The following ZFAND5 variants were observed in gnomAD, a reference collection of about 807,000 sequenced individuals.
The protein encoded by ZFAND5 is AN1-type zinc finger protein 5.
Under a neutral mutation model 23.6 loss-of-function variants are expected in ZFAND5, and 4 were observed. The ratio of observed to expected loss-of-function variants is 0.17; its 90% CI spans 0.08 to 0.39. The LOEUF (loss-of-function observed/expected upper bound fraction) is 0.39. Ranked by LOEUF, ZFAND5 falls within the 10% of genes least tolerant of loss-of-function variation. ZFAND5 has a pLI of 1.00. For synonymous variants in ZFAND5, 68 were observed against 80.6 expected (o/e 0.84, Z 0.84); for missense variants, 161 against 253.7 (o/e 0.63, Z 2.48).
chr9:72,359,518 A>G lies in ZFAND5; in HGVS notation c.267T>C (p.Asn89=), dbSNP rs770603870. 1 of 1,613,440 alleles carries G rather than the reference A, an allele frequency of 6.2e-7. No individual in the cohort carries two copies. Among genetic ancestry groups the G allele is most frequent in the Non-Finnish European group, 8.5e-7 (1 of 1,179,604 alleles). Residue 89 remains asparagine, a synonymous_variant, in exon 5 of 7, where the codon AAT becomes AAC. Coordinates refer to ENST00000376962, the MANE Select transcript of ZFAND5 (RefSeq NM_001102420.3). Reference sequence around the variant, plus strand: ...TTACAGGCAAGGCAGCCACAGGCACATTTCTATTTGAGTTCAAGCAAACAA... The same window carrying G: ...TTACAGGCAAGGCAGCCACAGGCACGTTTCTATTTGAGTTCAAGCAAACAA... ...AAGSTSEKSR[N]VPVAALPVTQ...
rs1587868538 is a variant in ZFAND5 at position 72,355,629 on chromosome 9, G to A, written c.*324C>T. 6 of 177,734 alleles carry A rather than the reference G, an allele frequency of 3.4e-5. No individual in the cohort carries two copies. In the East Asian group the frequency reaches 9.0e-4, roughly 27 times the overall value. The allele number at this position is 177,734 out of a possible 1,614,324, so 11.0% of individuals were successfully genotyped here. The stretch of plus-strand genomic sequence containing the variant: ...GATTACATTCCCAAAAGGCAGATAT[G>A]CTGCAAACATGCAGAGATTTCATTT... On this transcript the variant is annotated 3_prime_UTR_variant, in exon 7 of 7. Coordinates refer to ENST00000376962, the MANE Select transcript of ZFAND5 (RefSeq NM_001102420.3).
rs1376920471 is a variant in ZFAND5, at chr9:72,352,119, CCTCT to C, written c.*3830_*3833del. Reference sequence around the variant, plus strand: ...ACCACCCTGGCTAACACGGTGAAACCCTCTCTCTACTAAAAATACAAAAAAACCC... The same window carrying C: ...ACCACCCTGGCTAACACGGTGAAACCCTCTACTAAAAATACAAAAAAACCC... On this transcript the variant is annotated 3_prime_UTR_variant, in exon 7 of 7. Transcript: ENST00000376962. The C allele has an allele frequency of 2.6e-5, 4 of 152,150 alleles. No individual in the cohort carries two copies. The highest frequency in any genetic ancestry group is 5.9e-5 in the Non-Finnish European group (4 of 68,058). 9.4% of individuals were successfully genotyped at this position (152,150 alleles called of 1,614,324 possible). A position where few individuals can be genotyped will look rare whatever the true frequency, so the allele number is the denominator to read the frequency against.
rs200020315 is a variant in ZFAND5, at chr9:72,362,647, TTATAA to T, written c.-10+818_-10+822del. Among the ~76,000 whole-genome samples the T allele has an allele frequency of 5.9e-5, 9 of 152,340 alleles. No individual in the cohort carries two copies. The East Asian group carries it at 1.7e-3, about 29-fold the overall frequency. ...AGAGAACATGTCTACCTTCATTTCA[TTATAA>T]ATAACTTTCAACTGCGAGACACACA... On this transcript the variant is annotated intron_variant, in intron 2 of 6. Coordinates refer to ENST00000376962, the MANE Select transcript of ZFAND5 (RefSeq NM_001102420.3).
At position 72,359,527 on chromosome 9, in the gene ZFAND5, T is replaced by G. The variant is rs1175237766; in HGVS notation, c.264-6A>C. The G allele has an allele frequency of 1.9e-6, 3 of 1,612,986 alleles. No homozygotes were observed. The highest frequency in any genetic ancestry group is 2.2e-5 in the East Asian group (1 of 44,862). ...AGGCAGCCACAGGCACATTTCTATT[T>G]GAGTTCAAGCAAACAATTTTTAAAG... On this transcript the variant is annotated splice_polypyrimidine_tract_variant and splice_region_variant and intron_variant, in intron 4 of 6. Transcript: ENST00000376962.
At position 72,356,921 on chromosome 9, in the gene ZFAND5, T is replaced by A. The variant is rs775803056; in HGVS notation, c.493+10A>T. On this transcript the variant is annotated intron_variant, in intron 6 of 6. Transcript: ENST00000376962. ...AAGTAAAACATACATTGTCTTGTGT[T>A]TTGTAATACCTGTAAGACCAACTTT... 118 of 1,611,532 alleles carry A rather than the reference T, an allele frequency of 7.3e-5. No homozygotes were observed. The highest frequency in any genetic ancestry group is 2.1e-4 in the Middle Eastern group (1 of 4,710).
rs981000840 is a variant in ZFAND5, at chr9:72,353,694, T to C, written c.*2259A>G. ...CTTGCTACTACTCAGACCTTCAGAG[T>C]GATGGAGTCCGAGGGCTCATCTTAC... On this transcript the variant is annotated 3_prime_UTR_variant, in exon 7 of 7. Transcript: ENST00000376962. 3 of 152,080 alleles carry C rather than the reference T, an allele frequency of 2.0e-5. No homozygotes were observed. The highest frequency in any genetic ancestry group is 7.2e-5 in the African/African-American group (3 of 41,410). 9.4% of individuals were successfully genotyped at this position (152,080 alleles called of 1,614,324 possible). A position where few individuals can be genotyped will look rare whatever the true frequency, so the allele number is the denominator to read the frequency against.
chr9:72,357,505 A>G (rs372522661), intron 5 of ZFAND5, among the ~76,000 whole-genome samples: 1 of 152,160 alleles, frequency 6.6e-6, no homozygotes. Flanking sequence ...ATAGGAAAAA[A>G]AATCCTGTAG....
chr9:72,360,249 C>T (rs758103858), intron 3 of ZFAND5, 28 bp from the exon 4 acceptor site: 2 of 1,570,398 alleles, frequency 1.3e-6, no homozygotes, highest in South Asian at 2.3e-5. Flanking sequence ...TTGTAAGGAA[C>T]CAATGAACAC....
intron 2 of ZFAND5, among the ~76,000 whole-genome samples, chr9:72,363,098 TAAA>T (rs1037094095): frequency 2.6e-5 from 4 of 152,264 alleles, no homozygotes; most frequent in South Asian, 2.1e-4. Flanking sequence ...AGGTTGTTGA[TAAA>T]AAACTAAGCA....
chr9:72,358,850 G>A (rs770090952), intron 5 of ZFAND5, among the ~76,000 whole-genome samples: 32 of 152,082 alleles, frequency 2.1e-4, no homozygotes, highest in Non-Finnish European at 2.6e-4. Flanking sequence ...CTAGGGCCTA[G>A]TACAGGTAAT....
At chr9:72,360,462 C>A in intron 3 of ZFAND5, 166 bp downstream of exon 3, 2 of 955,476 alleles carry the variant, frequency 2.1e-6, no homozygotes, top group Non-Finnish European at 3.1e-6. Context: ...TGTAGATAGT[C>A]ATTCATTCCT....
rs1388699035 is a variant in ZFAND5, at chr9:72,351,807, G to A, written c.*4146C>T. ...TTTAAAGCAGATTGTACAAACAGGA[G>A]AAACAAACAGGGGAAACTGTATTTC... On this transcript the variant is annotated 3_prime_UTR_variant, in exon 7 of 7. Transcript: ENST00000376962. The A allele has an allele frequency of 6.6e-6, 1 of 152,132 alleles. No homozygotes were observed. Among genetic ancestry groups the A allele is most frequent in the Non-Finnish European group, 1.5e-5 (1 of 68,016 alleles). The allele number at this position is 152,132 out of a possible 1,614,324, so 9.4% of individuals were successfully genotyped here.
Position 72,363,563 on chromosome 9 carries a change from G to A in ZFAND5, c.-103C>T, listed in dbSNP as rs1842163461. Reference sequence around the variant, plus strand: ...CTTTCCAGATTTCAGTTCCCTCTTTGCCAAATGGAGTAGAATTGACTTTTA... The same window carrying A: ...CTTTCCAGATTTCAGTTCCCTCTTTACCAAATGGAGTAGAATTGACTTTTA... On this transcript the variant is annotated 5_prime_UTR_variant, in exon 2 of 7. Transcript: ENST00000376962. 2.2e-6 allele frequency: 2 copies of A among 923,836 alleles called. No individual in the cohort carries two copies. Among genetic ancestry groups the A allele is most frequent in the Non-Finnish European group, 2.6e-6 (2 of 773,644 alleles). The allele number at this position is 923,836 out of a possible 1,614,324, so 57.2% of individuals were successfully genotyped here.
rs1040201842 is a variant in ZFAND5 at position 72,364,461 on chromosome 9, C to T, written c.-147+235G>A. The T allele has an allele frequency of 1.1e-5, 14 of 1,276,022 alleles. No individual in the cohort carries two copies. In the South Asian group the frequency reaches 1.5e-4, roughly 14 times the overall value. The allele number at this position is 1,276,022 out of a possible 1,614,324, so 79.0% of individuals were successfully genotyped here. A position where few individuals can be genotyped will look rare whatever the true frequency, so the allele number is the denominator to read the frequency against. ...CGGCACGCCGTGCATTGTTTCCCGA[C>T]CGTGCTGTGGAGCGAGCCAGGGACG... On this transcript the variant is annotated intron_variant, in intron 1 of 6. Transcript: ENST00000376962.
Position 72,360,227 on chromosome 9 carries a change from T to C in ZFAND5, c.152-6A>G, listed in dbSNP as rs756449251. The C allele has an allele frequency of 4.3e-5, 69 of 1,601,948 alleles. 1 individual carries two copies. In the South Asian group the frequency reaches 7.0e-4, roughly 16 times the overall value. On this transcript the variant is annotated splice_region_variant and splice_polypyrimidine_tract_variant and intron_variant, in intron 3 of 6. Transcript: ENST00000376962. The stretch of plus-strand genomic sequence containing the variant: ...GTTGGAACCACTAGCTGTTCCTATT[T>C]AAAAAAAGGATTTGTAAGGAACCAA...
chr9:72,363,049 A>G (rs990434518), intron 2 of ZFAND5, among the ~76,000 whole-genome samples: 1 of 152,210 alleles, frequency 6.6e-6, no homozygotes, highest in African/African-American at 2.4e-5. Context: ...AACAATCTCA[A>G]TCTAGAAGAT....
rs1841856492 is a variant in ZFAND5 at position 72,353,909 on chromosome 9, GAACT to G, written c.*2040_*2043del. On this transcript the variant is annotated 3_prime_UTR_variant, in exon 7 of 7. Coordinates refer to ENST00000376962, the MANE Select transcript of ZFAND5 (RefSeq NM_001102420.3). The stretch of plus-strand genomic sequence containing the variant: ...TGAAGCAAAAGTAGCAGCATGCAAA[GAACT>G]GACAGATAAAACTAGGGTATTTCCA... 6.6e-6 allele frequency: 1 copy of G among 152,122 alleles called. No individual in the cohort carries two copies. The highest frequency in any genetic ancestry group is 2.4e-5 in the African/African-American group (1 of 41,402). 9.4% of individuals were successfully genotyped at this position (152,122 alleles called of 1,614,324 possible).
rs1209572608 is a variant in ZFAND5, at chr9:72,354,116, C to T, written c.*1837G>A. ...AACCCAAAACAGAAATAAAACAGAA[C>T]TCTTTTTGTAAACTAAGTCATACCT... On this transcript the variant is annotated 3_prime_UTR_variant, in exon 7 of 7. Transcript: ENST00000376962. The T allele has an allele frequency of 1.3e-5, 2 of 152,164 alleles. No homozygotes were observed. Among genetic ancestry groups the T allele is most frequent in the African/African-American group, 4.8e-5 (2 of 41,452 alleles). The allele number at this position is 152,164 out of a possible 1,614,324, so 9.4% of individuals were successfully genotyped here. A position where few individuals can be genotyped will look rare whatever the true frequency, so the allele number is the denominator to read the frequency against.
chr9:72,364,570 C>G lies in ZFAND5; in HGVS notation c.-147+126G>C, dbSNP rs1354930452. On this transcript the variant is annotated intron_variant, in intron 1 of 6. Transcript: ENST00000376962. ...GGGCTGGCGGGCGGGCTCCCCTCCC[C>G]CGGACGCCGCCATCCGCGGCCTGCT... is the stretch of plus-strand genomic sequence containing the variant. 4 of 1,259,364 alleles carry G rather than the reference C, an allele frequency of 3.2e-6. No homozygotes were observed. The South Asian group carries it at 5.1e-5, about 16-fold the overall frequency. 78.0% of individuals were successfully genotyped at this position (1,259,364 alleles called of 1,614,324 possible).
Sources: gnomAD v4.1 joint callset for allele counts (sites outside exome capture counted in the v4.1 genomes callset) on GRCh38, gnomAD v4.1.1 for gene constraint, MANE v1.5 for transcripts, NCBI Gene and HGNC (gene_info 2026-07-23, HGNC 2026-07-21) for gene names.